Variants in IMPG2 observed in about 807,000 individuals in gnomAD.
IMPG2 encodes the protein IPM 200.
In IMPG2, 91 loss-of-function variants were observed where a neutral mutation model predicts 129.2. The observed-to-expected ratio is 0.70, with a 90% CI of 0.59 to 0.84. IMPG2 has a LOEUF of 0.84. IMPG2 is among the 40% of genes least tolerant of loss of function. The pLI is 0.00. For missense variants in IMPG2, 1,430 were observed against 1,461.7 expected (o/e 0.98, Z 0.35); for synonymous variants, 510 against 517.7 (o/e 0.99, Z 0.20).
At chr3:101,273,543 G>C (rs1289878328) in intron 7 of IMPG2, 38 bp downstream of exon 7, 1 of 1,601,634 alleles carries the variant, frequency 6.2e-7, no homozygotes, top group East Asian at 2.2e-5. Flanking sequence ...TAACATAGCA[G>C]GCATACTGCC....
chr3:101,282,681 C>T (rs1324817646), intron 4 of IMPG2, among the ~76,000 whole-genome samples: 2 of 152,106 alleles, frequency 1.3e-5, no homozygotes, highest in African/African-American at 4.8e-5. Context: ...TTGTGAGAAA[C>T]ACTAGATGAA....
In IMPG2 at chr3:101,272,011, G is replaced by A. The variant is rs544871182; in HGVS notation, c.828+1570C>T. 1.1e-3 allele frequency among the ~76,000 whole-genome samples: 165 copies of A among 152,100 alleles called. 1 individual carries two copies. The highest frequency in any genetic ancestry group is 3.5e-3 in the African/African-American group (147 of 41,502). Reference sequence around the variant, plus strand: ...TGCCCTCAGGCACCAACCCTCCCAGGCCCATCACACTGACCTTTCCCTCTC... The same window carrying A: ...TGCCCTCAGGCACCAACCCTCCCAGACCCATCACACTGACCTTTCCCTCTC... On this transcript the variant is annotated intron_variant, in intron 7 of 18. Transcript: ENST00000193391.
At chr3:101,248,680 G>A (rs1706511147) in intron 11 of IMPG2, among the ~76,000 whole-genome samples, 1 of 152,176 alleles carries the variant, frequency 6.6e-6, no homozygotes, top group Non-Finnish European at 1.5e-5. Flanking sequence ...TGGCTCTATA[G>A]AGTGTTACCC....
At chr3:101,294,682 T>C (rs1707059510) in intron 3 of IMPG2, among the ~76,000 whole-genome samples, 1 of 152,368 alleles carries the variant, frequency 6.6e-6, no homozygotes, top group South Asian at 2.1e-4. Flanking sequence ...TGTTCCACAA[T>C]ACTTGAACTA....
At chr3:101,230,442 C>G (rs1706273187) in intron 16 of IMPG2, among the ~76,000 whole-genome samples, 1 of 152,210 alleles carries the variant, frequency 6.6e-6, no homozygotes, top group Non-Finnish European at 1.5e-5. Context: ...CAAAGAGGAG[C>G]AAGTTGTAAC....
At position 101,243,984 on chromosome 3, in the gene IMPG2, C is replaced by T. The variant is rs781419211; in HGVS notation, c.2347G>A (p.Val783Ile). ...LWTILPESER[V>I]WTRTSSLEKL... is the part of the protein sequence containing the mutation. The stretch of plus-strand genomic sequence containing the variant: ...TCTAGGGAAGAAGTTCTTGTCCAAA[C>T]TCTCTCTGATTCTGGCAATATAGTC... The change falls in exon 13 of 19, where the codon GTT becomes ATT. Residue 783 changes from valine to isoleucine, a missense_variant. Val to Ile is a conservative substitution (Grantham distance 29). Transcript: ENST00000193391. 6.2e-7 allele frequency: 1 copy of T among 1,614,182 alleles called. No individual in the cohort carries two copies. Among genetic ancestry groups the T allele is most frequent in the South Asian group, 1.1e-5 (1 of 91,086 alleles).
intron 3 of IMPG2, among the ~76,000 whole-genome samples, chr3:101,297,782 G>A (rs1707096236): frequency 6.6e-6 from 1 of 152,138 alleles, no homozygotes; most frequent in African/African-American, 2.4e-5. Context: ...TATGATTTCA[G>A]TTCTTTCACA....
chr3:101,302,636 G>A (rs1707150808), intron 3 of IMPG2, among the ~76,000 whole-genome samples: 1 of 152,058 alleles, frequency 6.6e-6, no homozygotes, highest in South Asian at 2.1e-4. Context: ...TCCTTATAAG[G>A]TTGCTGTTAT....
Position 101,270,363 on chromosome 3 carries a change from A to G in IMPG2, c.829-790T>C, listed in dbSNP as rs139077437. 3.4e-3 allele frequency among the ~76,000 whole-genome samples: 523 copies of G among 152,298 alleles called. 3 individuals carry two copies. Among genetic ancestry groups the G allele is most frequent in the Non-Finnish European group, 5.1e-3 (347 of 68,016 alleles). ...TGCTCCTACAACGAAAGAGAACCAC[A>G]AACACACTCAACACCCAGACGAGAG... On this transcript the variant is annotated intron_variant, in intron 7 of 18. Coordinates refer to ENST00000193391, the MANE Select transcript of IMPG2 (RefSeq NM_016247.4).
chr3:101,302,113 A>G (rs1707145145), intron 3 of IMPG2, among the ~76,000 whole-genome samples: 1 of 152,242 alleles, frequency 6.6e-6, no homozygotes, highest in African/African-American at 2.4e-5. Context: ...TCTTCATTTA[A>G]GTAACTTGTA....
chr3:101,317,814 A>C (rs2058792847), intron 2 of IMPG2, among the ~76,000 whole-genome samples: 1 of 152,140 alleles, frequency 6.6e-6, no homozygotes, highest in Admixed American at 6.6e-5. Flanking sequence ...TGAATTTATA[A>C]AAACAAGAGC....
intron 14 of IMPG2, among the ~76,000 whole-genome samples, chr3:101,241,042 T>C (rs1474676602): frequency 6.6e-6 from 1 of 152,336 alleles, no homozygotes; most frequent in South Asian, 2.1e-4. Context: ...TCATTCACAG[T>C]ATTTTTGAGT....
At chr3:101,275,549 T>C in intron 6 of IMPG2, 114 bp downstream of exon 6, 1 of 791,666 alleles carries the variant, frequency 1.3e-6, no homozygotes, top group Non-Finnish European at 2.2e-6. Context: ...CCATGTCATT[T>C]TTCTAACAGG....
At chr3:101,310,559 C>CAAAAAAA (rs199570786) in intron 2 of IMPG2, among the ~76,000 whole-genome samples, 24 of 126,514 alleles carry the variant, frequency 1.9e-4, no homozygotes, top group African/African-American at 8.2e-4. Flanking sequence ...GACCCTGTCT[C>CAAAAAAA]AAAAAAAAAA....
chr3:101,277,589 T>A (rs1484531695), intron 4 of IMPG2, among the ~76,000 whole-genome samples: 1 of 152,300 alleles, frequency 6.6e-6, no homozygotes, highest in South Asian at 2.1e-4. Flanking sequence ...AACCTATTTA[T>A]ATAAAGAAAG....
chr3:101,242,241 T>C (rs1265592207), intron 14 of IMPG2, among the ~76,000 whole-genome samples: 2 of 152,118 alleles, frequency 1.3e-5, no homozygotes, highest in Admixed American at 6.5e-5. Context: ...AGTAAGTAGA[T>C]AGATATTGAT....
chr3:101,305,135 T>G (rs1258659749), intron 2 of IMPG2, among the ~76,000 whole-genome samples: 1 of 152,170 alleles, frequency 6.6e-6, no homozygotes, highest in Non-Finnish European at 1.5e-5. Flanking sequence ...CAAACTGTGA[T>G]ATATCTAAAA....
chr3:101,226,252 T>TATATATATAC lies in IMPG2; in HGVS notation c.*716_*717insGTATATATAT, dbSNP rs1706222259. 3.8e-5 allele frequency: 1 copy of TATATATATAC among 26,376 alleles called. No individual in the cohort carries two copies. The highest frequency in any genetic ancestry group is 1.1e-4 in the African/African-American group (1 of 9,382). The allele number at this position is 26,376 out of a possible 1,614,324, so 1.6% of individuals were successfully genotyped here. ...ATATATATATATATATATATATATA[T>TATATATATAC]ATATATATATATATATATATATATA... On this transcript the variant is annotated 3_prime_UTR_variant, in exon 19 of 19. Transcript: ENST00000193391.
intron 4 of IMPG2, among the ~76,000 whole-genome samples, chr3:101,288,278 A>T (rs1706968547): frequency 6.6e-6 from 1 of 152,146 alleles, no homozygotes; most frequent in African/African-American, 2.4e-5. Flanking sequence ...ATATACTATT[A>T]GTAGGAATGT....
Sources: gnomAD v4.1 joint callset for allele counts (sites outside exome capture counted in the v4.1 genomes callset) on GRCh38, gnomAD v4.1.1 for gene constraint, MANE v1.5 for transcripts, NCBI Gene and HGNC (gene_info 2026-07-23, HGNC 2026-07-21) for gene names.